Variants in LRRIQ1 observed in about 807,000 individuals in gnomAD.
LRRIQ1 encodes leucine-rich repeat- and IQ domain-containing protein 1.
A neutral mutation model predicts 211.9 loss-of-function variants in LRRIQ1; 210 were observed. That is an observed-to-expected ratio of 0.99 (90% CI 0.89 to 1.11). The LOEUF (loss-of-function observed/expected upper bound fraction) is 1.11. LRRIQ1 is among the 50% of genes most tolerant of loss of function. The probability of loss-of-function intolerance (pLI) is 0.00; values close to 1 mark genes in which losing one functional copy is unlikely to be tolerated. For missense variants in LRRIQ1, 2,136 were observed against 1,939.5 expected (o/e 1.10, Z -1.90); for synonymous variants, 699 against 650.1 (o/e 1.08, Z -1.14).
chr12:85,070,680 T>C (rs1592736392), intron 10 of LRRIQ1, among the ~76,000 whole-genome samples: 1 of 152,002 alleles, frequency 6.6e-6, no homozygotes, highest in East Asian at 1.9e-4. Flanking sequence ...TCAGTTGCTC[T>C]GTTATTCGTT....
At chr12:85,068,758 C>T (rs1268790542) in intron 10 of LRRIQ1, among the ~76,000 whole-genome samples, 1 of 149,524 alleles carries the variant, frequency 6.7e-6, no homozygotes, top group Non-Finnish European at 1.5e-5. Context: ...TCTTTGAAGT[C>T]CCTTTAAATC....
chr12:85,038,271 A>T lies in LRRIQ1; in HGVS notation c.95A>T (p.Asp32Val). 1 of 1,583,926 alleles carries T rather than the reference A, an allele frequency of 6.3e-7. No individual in the cohort carries two copies. The highest frequency in any genetic ancestry group is 1.8e-5 in the Admixed American group (1 of 56,852). Residue 32 changes from aspartate to valine, a missense_variant, in exon 2 of 27, where the codon GAT becomes GTT. Coordinates refer to ENST00000393217, the MANE Select transcript of LRRIQ1 (RefSeq NM_001079910.2). ...TTGGAAAAAGAAGACATTGAGAGTG[A>T]TGCAAAATCAGAAACCCAGAGTGAT... ...SSLEKEDIES[D>V]AKSETQSDDS...
intron 10 of LRRIQ1, among the ~76,000 whole-genome samples, chr12:85,068,164 G>C (rs1882647755): frequency 6.6e-6 from 1 of 151,852 alleles, no homozygotes; most frequent in South Asian, 2.1e-4. Context: ...TTGGGAACTG[G>C]ATTAAAATTT....
intron 1 of LRRIQ1, among the ~76,000 whole-genome samples, chr12:85,037,519 T>A (rs964285050): frequency 2.6e-5 from 4 of 152,130 alleles, no homozygotes; most frequent in African/African-American, 9.7e-5. Flanking sequence ...TTCCTTTTTT[T>A]ATTTTATTTT....
In LRRIQ1 at chr12:85,137,834, T is replaced by G; in HGVS notation, c.4210-16T>G. On this transcript the variant is annotated splice_polypyrimidine_tract_variant and intron_variant, in intron 18 of 26. Transcript: ENST00000393217. ...GATCTATAACTTTGTATAACATACT[T>G]TACATTTTTGTTTAGGCAGTTTGGA... 6.4e-7 allele frequency: 1 copy of G among 1,572,868 alleles called. No individual in the cohort carries two copies. The highest frequency in any genetic ancestry group is 8.6e-7 in the Non-Finnish European group (1 of 1,164,576).
At chr12:85,207,215 C>G (rs1893604513) in intron 24 of LRRIQ1, among the ~76,000 whole-genome samples, 1 of 152,050 alleles carries the variant, frequency 6.6e-6, no homozygotes, top group Non-Finnish European at 1.5e-5. Flanking sequence ...GAGTTCCCAG[C>G]TTCCAACCAC....
chr12:85,252,501 A>G (rs1261050506), intron 1 of LRRIQ1, among the ~76,000 whole-genome samples: 1 of 151,954 alleles, frequency 6.6e-6, no homozygotes, highest in South Asian at 2.1e-4. Context: ...TTATACAAGT[A>G]TGAAATGTTT....
intron 24 of LRRIQ1, among the ~76,000 whole-genome samples, chr12:85,193,094 A>G (rs1393387838): frequency 1.0e-4 from 12 of 120,334 alleles, no homozygotes; most frequent in African/African-American, 3.8e-4. Flanking sequence ...ATAATTATAT[A>G]TATTTATATA....
intron 10 of LRRIQ1, among the ~76,000 whole-genome samples, chr12:85,069,650 G>C (rs1882852839): frequency 6.6e-6 from 1 of 151,988 alleles, no homozygotes; most frequent in Non-Finnish European, 1.5e-5. Context: ...GTGTGAGATG[G>C]TATCTCATTG....
chr12:85,192,484 GTTATA>G (rs1892583940), intron 24 of LRRIQ1, among the ~76,000 whole-genome samples: 1 of 118,918 alleles, frequency 8.4e-6, no homozygotes, highest in Admixed American at 1.1e-4. Flanking sequence ...AATATATATA[GTTATA>G]TAATATAATT....
chr12:85,071,861 C>G (rs1267864461), intron 10 of LRRIQ1, among the ~76,000 whole-genome samples: 7 of 151,966 alleles, frequency 4.6e-5, no homozygotes, highest in Admixed American at 2.0e-4. Context: ...AAACTTCTCC[C>G]ATGATTCAGT....
intron 18 of LRRIQ1, among the ~76,000 whole-genome samples, chr12:85,134,513 T>G (rs935405426): frequency 1.3e-5 from 2 of 152,070 alleles, no homozygotes; most frequent in African/African-American, 4.8e-5. Flanking sequence ...TAATAGACAT[T>G]CAGTAAATTT....
At chr12:85,097,771 TCA>T (rs749774709) in intron 11 of LRRIQ1, among the ~76,000 whole-genome samples, 1 of 152,158 alleles carries the variant, frequency 6.6e-6, no homozygotes, top group Non-Finnish European at 1.5e-5. Flanking sequence ...AGCAACCTTC[TCA>T]GTTTTTTCCT....
intron 12 of LRRIQ1, 113 bp from the exon 13 acceptor site, chr12:85,098,754 C>T: frequency 1.3e-6 from 1 of 756,716 alleles, no homozygotes; most frequent in Non-Finnish European, 2.0e-6. Context: ...TTATGATATG[C>T]ACTTTATCAG....
At chr12:85,139,700 A>G (rs1447333464) in intron 19 of LRRIQ1, among the ~76,000 whole-genome samples, 1 of 151,496 alleles carries the variant, frequency 6.6e-6, no homozygotes, top group East Asian at 1.9e-4. Context: ...AAGGTGTTGT[A>G]GAGACAGAAC....
chr12:85,201,312 A>G (rs1893281224), intron 24 of LRRIQ1, among the ~76,000 whole-genome samples: 1 of 147,950 alleles, frequency 6.8e-6, no homozygotes, highest in Non-Finnish European at 1.5e-5. Context: ...TCATAGAATG[A>G]GTTAGCAAGG....
intron 15 of LRRIQ1, among the ~76,000 whole-genome samples, chr12:85,109,436 CA>C (rs933687193): frequency 1.3e-5 from 2 of 151,962 alleles, no homozygotes; most frequent in African/African-American, 4.8e-5. Context: ...GCCAGGTTTC[CA>C]AAAAAGTTTC....
At chr12:85,149,951 T>G (rs1365074911) in intron 19 of LRRIQ1, among the ~76,000 whole-genome samples, 1 of 151,792 alleles carries the variant, frequency 6.6e-6, no homozygotes, top group East Asian at 1.9e-4. Flanking sequence ...ATCCAGACTT[T>G]ATGTAGCCTT....
At chr12:85,175,761 G>T (rs1263334010) in intron 24 of LRRIQ1, among the ~76,000 whole-genome samples, 1 of 152,096 alleles carries the variant, frequency 6.6e-6, no homozygotes, top group Non-Finnish European at 1.5e-5. Context: ...ATTAAATAGG[G>T]AATCCTTTCC....
Sources: allele counts gnomAD v4.1 joint callset (sites outside exome capture counted in the v4.1 genomes callset), GRCh38; gene constraint gnomAD v4.1.1; transcripts MANE v1.5; gene names NCBI Gene and HGNC (gene_info 2026-07-23, HGNC 2026-07-21).